ARIH2: variants seen among roughly 807,000 people sequenced by gnomAD.
The protein encoded by ARIH2 is E3 ubiquitin-protein ligase ARIH2.
A neutral mutation model predicts 79.8 loss-of-function variants in ARIH2; 12 were observed. That is an observed-to-expected ratio of 0.15 (90% CI 0.10 to 0.24). The LOEUF is 0.24. ARIH2 is among the 10% of genes least tolerant of loss of function. The pLI is 1.00. For missense variants in ARIH2, 301 were observed against 618.3 expected (o/e 0.49, Z 5.44); for synonymous variants, 224 against 213.9 (o/e 1.05, Z -0.41).
At chr3:48,953,757 C>T (rs184428765) in intron 3 of ARIH2, among the ~76,000 whole-genome samples, 143 of 151,880 alleles carry the variant, frequency 9.4e-4, no homozygotes, top group Non-Finnish European at 1.6e-3. Flanking sequence ...AGCGTAGTGG[C>T]GTGATCATGG....
At chr3:48,957,808 C>T (rs186664367) in intron 3 of ARIH2, among the ~76,000 whole-genome samples, 61 of 152,268 alleles carry the variant, frequency 4.0e-4, no homozygotes, top group Non-Finnish European at 3.5e-4. Context: ...CTCCGCCTCC[C>T]GGGTTCAAGC....
At chr3:48,919,639 G>T (rs1011654806) in intron 1 of ARIH2, among the ~76,000 whole-genome samples, 1 of 152,236 alleles carries the variant, frequency 6.6e-6, no homozygotes, top group African/African-American at 2.4e-5. Flanking sequence ...CATTTGACCT[G>T]TAGGCTAGTG....
At chr3:48,981,388 ATGTCCTAC>A (rs1441554205) in intron 13 of ARIH2, among the ~76,000 whole-genome samples, 1 of 152,014 alleles carries the variant, frequency 6.6e-6, no homozygotes, top group Non-Finnish European at 1.5e-5. Flanking sequence ...GTTGACTCTG[ATGTCCTAC>A]TCAAGAGGGA....
At chr3:48,958,503 A>C (rs1291896748) in intron 3 of ARIH2, among the ~76,000 whole-genome samples, 1 of 151,774 alleles carries the variant, frequency 6.6e-6, no homozygotes, top group Non-Finnish European at 1.5e-5. Context: ...CGAGGTCAGG[A>C]GTTCAAGACC....
chr3:48,948,027 C>G (rs1257975696), intron 3 of ARIH2, among the ~76,000 whole-genome samples: 1 of 151,826 alleles, frequency 6.6e-6, no homozygotes, highest in Non-Finnish European at 1.5e-5. Context: ...GTGGTGTGAT[C>G]TCGGCTAACT....
At chr3:48,959,381 G>A (rs1423622377) in intron 3 of ARIH2, among the ~76,000 whole-genome samples, 1 of 151,156 alleles carries the variant, frequency 6.6e-6, no homozygotes, top group Non-Finnish European at 1.5e-5. Context: ...CTGTATTTCA[G>A]CAGTTGTTAA....
rs1032206123 is a variant in ARIH2 at position 48,967,366 on chromosome 3, C to T, written c.538+91C>T. 1.6e-5 allele frequency: 23 copies of T among 1,394,988 alleles called. No homozygotes were observed. In the Admixed American group the frequency reaches 4.8e-4, roughly 29 times the overall value. The allele number at this position is 1,394,988 out of a possible 1,614,324, so 86.4% of individuals were successfully genotyped here. A position where few individuals can be genotyped will look rare whatever the true frequency, so the allele number is the denominator to read the frequency against. On this transcript the variant is annotated intron_variant, in intron 6 of 15. Transcript: ENST00000356401. The stretch of plus-strand genomic sequence containing the variant: ...TGTACTCAAGTAAACTGAGTATTTT[C>T]TTCTGAGCCTGATTGGGGTTTTTAT...
At chr3:48,928,839 T>TG (rs1559720122) in intron 3 of ARIH2, among the ~76,000 whole-genome samples, 1 of 152,142 alleles carries the variant, frequency 6.6e-6, no homozygotes, top group African/African-American at 2.4e-5. Flanking sequence ...GTTTTTTTTT[T>TG]TGTGTGACTA....
intron 3 of ARIH2, among the ~76,000 whole-genome samples, chr3:48,953,190 A>G (rs1466356304): frequency 6.6e-6 from 1 of 152,118 alleles, no homozygotes; most frequent in Non-Finnish European, 1.5e-5. Context: ...TCGGCCTCCC[A>G]AAGTGCTGGC....
chr3:48,938,579 A>AG (rs1434032832), intron 3 of ARIH2, among the ~76,000 whole-genome samples: 2 of 152,224 alleles, frequency 1.3e-5, no homozygotes, highest in Admixed American at 1.3e-4. Context: ...GTAAATCAAC[A>AG]GTTGTCTGGA....
intron 3 of ARIH2, among the ~76,000 whole-genome samples, chr3:48,955,936 T>C (rs1263688578): frequency 2.0e-5 from 3 of 152,190 alleles, no homozygotes; most frequent in Non-Finnish European, 4.4e-5. Flanking sequence ...TCTCCATCTC[T>C]GTGCTGCTTT....
chr3:48,972,744 C>G (rs778962834), intron 8 of ARIH2, among the ~76,000 whole-genome samples: 6 of 152,238 alleles, frequency 3.9e-5, no homozygotes, highest in South Asian at 4.1e-4. Context: ...AACAGGGTCT[C>G]TCTCAGTTGT....
At chr3:48,919,201 C>A in intron 1 of ARIH2, 2 of 1,285,088 alleles carry the variant, frequency 1.6e-6, no homozygotes, top group East Asian at 3.0e-5. Context: ...TTTTTCCTCC[C>A]GCCGCCTTCT....
intron 14 of ARIH2, 27 bp from the exon 15 acceptor site, chr3:48,982,869 T>A: frequency 6.2e-7 from 1 of 1,605,538 alleles, no homozygotes. Flanking sequence ...CCACTCACCT[T>A]TTGACCCTCC....
intron 8 of ARIH2, 90 bp downstream of exon 8, chr3:48,970,794 G>A: frequency 1.0e-6 from 1 of 963,620 alleles, no homozygotes; most frequent in Non-Finnish European, 1.6e-6. Context: ...GGGCGGCACT[G>A]GAAGAGGCAG....
Position 48,985,400 on chromosome 3 carries a change from T to C in ARIH2, c.*2130T>C, listed in dbSNP as rs946777679. 1 of 152,164 alleles carries C rather than the reference T, an allele frequency of 6.6e-6. No homozygotes were observed. The highest frequency in any genetic ancestry group is 2.4e-5 in the African/African-American group (1 of 41,436). The allele number at this position is 152,164 out of a possible 1,614,324, so 9.4% of individuals were successfully genotyped here. Reference sequence around the variant, plus strand: ...CAGAATTTTTCTGCCCTACAAAGGGTGGAAGAGAAAGGACACAGTATTTTC... The same window carrying C: ...CAGAATTTTTCTGCCCTACAAAGGGCGGAAGAGAAAGGACACAGTATTTTC... On this transcript the variant is annotated 3_prime_UTR_variant, in exon 16 of 16. Transcript: ENST00000356401.
intron 3 of ARIH2, among the ~76,000 whole-genome samples, chr3:48,942,768 C>T (rs1397109572): frequency 1.3e-5 from 2 of 151,824 alleles, no homozygotes; most frequent in Non-Finnish European, 2.9e-5. Context: ...TCTCCTGCCT[C>T]AGCCTCCCGA....
At chr3:48,979,859 G>C (rs2092687687) in intron 12 of ARIH2, 4 of 427,452 alleles carry the variant, frequency 9.4e-6, no homozygotes, top group Non-Finnish European at 1.2e-5. Flanking sequence ...TTGGTTGAAT[G>C]ATGGATTGAA....
chr3:48,980,094 CA>C lies in ARIH2; in HGVS notation c.1114-258del, dbSNP rs544668540. 53 of 344,352 alleles carry C rather than the reference CA, an allele frequency of 1.5e-4. No homozygotes were observed. In the South Asian group the frequency reaches 2.7e-3, roughly 17 times the overall value. The allele number at this position is 344,352 out of a possible 1,614,324, so 21.3% of individuals were successfully genotyped here. ...ATGGTCTCTAAGCATAGTAGACCAT[CA>C]GGGGCCTAGCTTTGCAGAGTCCTCA... On this transcript the variant is annotated intron_variant, in intron 12 of 15. Coordinates refer to ENST00000356401, the MANE Select transcript of ARIH2 (RefSeq NM_006321.4).
Sources: allele counts gnomAD v4.1 joint callset (sites outside exome capture counted in the v4.1 genomes callset), GRCh38; gene constraint gnomAD v4.1.1; transcripts MANE v1.5; gene names NCBI Gene and HGNC (gene_info 2026-07-23, HGNC 2026-07-21).